The following LGALS9C variants were observed in gnomAD, a reference collection of about 807,000 sequenced individuals.
LGALS9C encodes the protein galectin-9C.
Under a neutral mutation model 41.3 loss-of-function variants are expected in LGALS9C, and 7 were observed. That is an observed-to-expected ratio of 0.17 (90% CI 0.10 to 0.32). LGALS9C has a LOEUF of 0.32. Ranked by LOEUF, LGALS9C falls within the 10% of genes least tolerant of loss-of-function variation. The probability of loss-of-function intolerance (pLI) is 1.00; values close to 1 mark genes in which losing one functional copy is unlikely to be tolerated. For synonymous variants in LGALS9C, 44 were observed against 171.0 expected (o/e 0.26, Z 5.80); for missense variants, 102 against 455.2 (o/e 0.22, Z 7.06).
intron 1 of LGALS9C, among the ~76,000 whole-genome samples, chr17:18,482,843 G>C (rs1308636582): frequency 1.6e-5 from 2 of 126,980 alleles, no homozygotes; most frequent in African/African-American, 5.2e-5. Context: ...CACCGGATAT[G>C]AGGCATTTCG....
chr17:18,486,886 C>T (rs1434646550), intron 3 of LGALS9C: 2 of 147,208 alleles, frequency 1.4e-5, no homozygotes, highest in African/African-American at 2.5e-5. Flanking sequence ...GGGGCCTGGT[C>T]GGGGACGGAG....
At chr17:18,479,427 C>T (rs1235582645) in intron 1 of LGALS9C, among the ~76,000 whole-genome samples, 3 of 129,930 alleles carry the variant, frequency 2.3e-5, no homozygotes, top group African/African-American at 5.0e-5. Flanking sequence ...CCACCCAGTC[C>T]TCTCCAGAAT....
Position 18,478,208 on chromosome 17 carries a change from C to T in LGALS9C, c.39+1315C>T, listed in dbSNP as rs142755858. On this transcript the variant is annotated intron_variant, in intron 1 of 10. Transcript: ENST00000328114. The stretch of plus-strand genomic sequence containing the variant: ...GTGTGCCACCTTGAGCATGTCACCC[C>T]ATTTCTGGTTTTCTGTCAGAGAGGG... Among the ~76,000 whole-genome samples, 28 of 129,816 alleles carry T rather than the reference C, an allele frequency of 2.2e-4. 1 individual carries two copies. In the East Asian group the frequency reaches 5.3e-3, roughly 24 times the overall value. The allele number at this position is 129,816 out of a possible 152,430, so 85.2% of individuals were successfully genotyped here.
rs1252980948 is a variant in LGALS9C, at chr17:18,482,638, G to A, written c.40-1237G>A. On this transcript the variant is annotated intron_variant, in intron 1 of 10. Coordinates refer to ENST00000328114, the MANE Select transcript of LGALS9C (RefSeq NM_001040078.3). ...TGACTTTTTAGATGAGGCGTGTGACGTCTACTTTGCCACAGTCCCCACCAC... is the reference window on the plus strand; with the variant it reads ...TGACTTTTTAGATGAGGCGTGTGACATCTACTTTGCCACAGTCCCCACCAC... Among the ~76,000 whole-genome samples, 13 of 144,926 alleles carry A rather than the reference G, an allele frequency of 9.0e-5. 1 individual carries two copies. In the East Asian group the frequency reaches 1.9e-3, roughly 22 times the overall value.
chr17:18,492,997 A>G (rs201502948), intron 10 of LGALS9C, 138 bp downstream of exon 10: 210,416 of 705,762 alleles, frequency 0.3, 8,330 homozygotes, highest in South Asian at 0.36. Context: ...TGGCCAAAAA[A>G]TTATTGTCAT....
chr17:18,479,495 C>T (rs1249581551), intron 1 of LGALS9C, among the ~76,000 whole-genome samples: 2 of 127,378 alleles, frequency 1.6e-5, no homozygotes, highest in East Asian at 2.0e-4. Context: ...AGAACACTGT[C>T]GGGTGGTGTT....
intron 4 of LGALS9C, 41 bp from the exon 5 acceptor site, chr17:18,488,900 T>C: frequency 6.7e-7 from 1 of 1,490,996 alleles, no homozygotes. Flanking sequence ...TTGGCTCTAT[T>C]AATGCTTCTC....
chr17:18,487,905 C>T (rs1224570041), intron 4 of LGALS9C, 148 bp downstream of exon 4: 13 of 578,572 alleles, frequency 2.2e-5, no homozygotes, highest in Non-Finnish European at 3.9e-5. Flanking sequence ...AGTACCTGCC[C>T]GCCCCTTCTC....
At chr17:18,482,270 CAAGT>C (rs1989419626) in intron 1 of LGALS9C, among the ~76,000 whole-genome samples, 1 of 134,342 alleles carries the variant, frequency 7.4e-6, no homozygotes, top group Admixed American at 7.5e-5. Context: ...CTCAGCCTCC[CAAGT>C]AACTGGGGTT....
intron 6 of LGALS9C, 179 bp from the exon 7 acceptor site, chr17:18,491,094 T>C: frequency 1.1e-6 from 1 of 932,476 alleles, no homozygotes; most frequent in East Asian, 2.5e-5. Context: ...CCATCTGTCT[T>C]CTCCAGGGTC....
rs143722196 is a variant in LGALS9C, at chr17:18,476,982, G to A, written c.39+89G>A. 2,668 of 1,287,376 alleles carry A rather than the reference G, an allele frequency of 2.1e-3. 32 individuals are homozygous for A. In the African/African-American group the frequency reaches 0.027, roughly 13 times the overall value. The allele number at this position is 1,287,376 out of a possible 1,614,324, so 79.7% of individuals were successfully genotyped here. ...AGGAAGCAACTCCTGGGTGGCAGGA[G>A]ATAGGGGTGGGGGCATCCCAAAGAG... On this transcript the variant is annotated intron_variant, in intron 1 of 10. Coordinates refer to ENST00000328114, the MANE Select transcript of LGALS9C (RefSeq NM_001040078.3).
At chr17:18,477,027 T>A in intron 1 of LGALS9C, 134 bp downstream of exon 1, 1 of 1,045,046 alleles carries the variant, frequency 9.6e-7, no homozygotes, top group South Asian at 1.4e-5. Flanking sequence ...AGGGCAGAAA[T>A]GTCAGTGGGG....
intron 1 of LGALS9C, among the ~76,000 whole-genome samples, chr17:18,477,161 G>C (rs1288233960): frequency 7.4e-6 from 1 of 134,258 alleles, no homozygotes; most frequent in Non-Finnish European, 1.8e-5. Flanking sequence ...CTCAGGGGAA[G>C]AGGTGTAGAG....
At chr17:18,493,829 A>G (rs1279824894) in intron 10 of LGALS9C, among the ~76,000 whole-genome samples, 1 of 145,158 alleles carries the variant, frequency 6.9e-6, no homozygotes. Flanking sequence ...GTGTGTTAGG[A>G]GTGTCAGCTA....
chr17:18,487,924 C>T (rs1373919480), intron 4 of LGALS9C, among the ~76,000 whole-genome samples, 167 bp downstream of exon 4: 4 of 141,140 alleles, frequency 2.8e-5, no homozygotes, highest in Non-Finnish European at 6.6e-5. Context: ...TCCTCTGTCA[C>T]TCTGCCCCTC....
At chr17:18,491,141 CT>C in intron 6 of LGALS9C, 131 bp from the exon 7 acceptor site, 1 of 1,060,752 alleles carries the variant, frequency 9.4e-7, no homozygotes, top group Non-Finnish European at 1.4e-6. Context: ...TGGACCCACC[CT>C]CCGTGGGGTC....
At position 18,494,622 on chromosome 17, in the gene LGALS9C, G is replaced by A. The variant is rs1334646599; in HGVS notation, c.*255G>A. The A allele has an allele frequency of 5.2e-6, 3 of 573,390 alleles. 1 individual carries two copies. The highest frequency in any genetic ancestry group is 9.5e-6 in the Non-Finnish European group (3 of 317,074). The allele number at this position is 573,390 out of a possible 1,614,324, so 35.5% of individuals were successfully genotyped here. The stretch of plus-strand genomic sequence containing the variant: ...TGGAATCCTACAATCCCAGAAGGCG[G>A]GCACAGCCAGGGAGAGGGGAGGAGT... On this transcript the variant is annotated 3_prime_UTR_variant, in exon 11 of 11. Coordinates refer to ENST00000328114, the MANE Select transcript of LGALS9C (RefSeq NM_001040078.3).
At chr17:18,478,029 A>G (rs8067002) in intron 1 of LGALS9C, among the ~76,000 whole-genome samples, 1 of 120,988 alleles carries the variant, frequency 8.3e-6, no homozygotes, top group Non-Finnish European at 2.0e-5. Context: ...TCTAGACTCC[A>G]GAGAGGAAGA....
rs769285702 is a variant in LGALS9C, at chr17:18,492,444, G to A, written c.673-13G>A. The A allele has an allele frequency of 5.9e-6, 9 of 1,512,696 alleles. 1 individual carries two copies. The highest frequency in any genetic ancestry group is 1.7e-4 in the Middle Eastern group (1 of 5,800). The allele number at this position is 1,512,696 out of a possible 1,614,324, so 93.7% of individuals were successfully genotyped here. On this transcript the variant is annotated splice_polypyrimidine_tract_variant and intron_variant, in intron 8 of 10. Transcript: ENST00000328114. ...GACTGCCACTGGCTGACCTGTCCCC[G>A]TCCTTCTGACAGCCGATGCCTTTCA... is the stretch of plus-strand genomic sequence containing the variant.
Sources: allele counts gnomAD v4.1 joint callset (sites outside exome capture counted in the v4.1 genomes callset), GRCh38; gene constraint gnomAD v4.1.1; transcripts MANE v1.5; gene names NCBI Gene and HGNC (gene_info 2026-07-23, HGNC 2026-07-21).